Variants in ERBB4 observed in about 807,000 individuals in gnomAD.
The protein encoded by ERBB4 is receptor tyrosine-protein kinase erbB-4.
Under a neutral mutation model 158.0 loss-of-function variants are expected in ERBB4, and 42 were observed. The observed-to-expected ratio is 0.27, with a 90% CI of 0.21 to 0.34. The LOEUF (loss-of-function observed/expected upper bound fraction) is 0.34, where lower values mean the gene tolerates loss of function less well. ERBB4 is among the 10% of genes least tolerant of loss of function. ERBB4 has a pLI of 1.00. For missense variants in ERBB4, 1,333 were observed against 1,624.1 expected (o/e 0.82, Z 3.08); for synonymous variants, 583 against 558.7 (o/e 1.04, Z -0.61).
chr2:211,902,226 A>G (rs1344464691), intron 3 of ERBB4, among the ~76,000 whole-genome samples: 1 of 152,178 alleles, frequency 6.6e-6, no homozygotes, highest in East Asian at 1.9e-4. Context: ...AAAAACAAAT[A>G]AAACACCAAT....
At chr2:212,095,085 A>G (rs2078889667) in intron 2 of ERBB4, among the ~76,000 whole-genome samples, 1 of 152,150 alleles carries the variant, frequency 6.6e-6, no homozygotes, top group Non-Finnish European at 1.5e-5. Flanking sequence ...GAGCACTCAC[A>G]ATGCCTTACA....
intron 1 of ERBB4, among the ~76,000 whole-genome samples, chr2:212,143,200 T>C (rs935250236): frequency 2.6e-5 from 4 of 152,182 alleles, no homozygotes; most frequent in Non-Finnish European, 5.9e-5. Context: ...CCTCATAATT[T>C]AACTGTTTTG....
At chr2:212,485,756 A>C (rs530720134) in intron 1 of ERBB4, among the ~76,000 whole-genome samples, 1 of 152,280 alleles carries the variant, frequency 6.6e-6, no homozygotes, top group Non-Finnish European at 1.5e-5. Context: ...GGGAAGTTCA[A>C]GGTCAAGGTA....
chr2:211,515,882 T>C (rs946124081), intron 20 of ERBB4, among the ~76,000 whole-genome samples: 3 of 136,010 alleles, frequency 2.2e-5, no homozygotes, highest in Non-Finnish European at 3.1e-5. Flanking sequence ...TAGTAACTTA[T>C]ATAAAAACAT....
intron 2 of ERBB4, among the ~76,000 whole-genome samples, chr2:212,075,937 T>G (rs907741091): frequency 1.3e-5 from 2 of 151,944 alleles, no homozygotes; most frequent in Admixed American, 6.6e-5. Flanking sequence ...CCTCATCAGC[T>G]TGAAATCCAG....
At chr2:212,409,222 A>T (rs1425853814) in intron 1 of ERBB4, among the ~76,000 whole-genome samples, 1 of 152,116 alleles carries the variant, frequency 6.6e-6, no homozygotes, top group Non-Finnish European at 1.5e-5. Context: ...AATACATGGA[A>T]AGACACACCT....
intron 2 of ERBB4, among the ~76,000 whole-genome samples, chr2:211,980,982 G>A (rs549868474): frequency 3.4e-4 from 51 of 151,788 alleles, no homozygotes; most frequent in Admixed American, 1.1e-3. Flanking sequence ...TCTCGATACC[G>A]CTCCCCACCA....
chr2:212,127,416 C>A lies in ERBB4; in HGVS notation c.83-2513G>T, dbSNP rs112899530. On this transcript the variant is annotated intron_variant, in intron 1 of 27. Transcript: ENST00000342788. ...GACCATCCTGGTCAACACAGTGAAA[C>A]CCCGTCTCAACTAAAAATACAAACA... 6.9e-3 allele frequency among the ~76,000 whole-genome samples: 1,052 copies of A among 152,238 alleles called. 7 individuals are homozygous for A. The highest frequency in any genetic ancestry group is 0.024 in the Middle Eastern group (7 of 294).
intron 1 of ERBB4, among the ~76,000 whole-genome samples, chr2:212,192,607 T>G (rs898464359): frequency 6.6e-6 from 1 of 152,062 alleles, no homozygotes; most frequent in Non-Finnish European, 1.5e-5. Context: ...ATGCCTTTGG[T>G]CTTAAGCCTT....
At chr2:212,299,034 G>A (rs975490493) in intron 1 of ERBB4, among the ~76,000 whole-genome samples, 2 of 151,650 alleles carry the variant, frequency 1.3e-5, no homozygotes, top group Non-Finnish European at 3.0e-5. Context: ...TAAAGTGTCA[G>A]TCACTGAGTT....
At chr2:211,858,291 G>A (rs1055661360) in intron 3 of ERBB4, among the ~76,000 whole-genome samples, 7 of 152,138 alleles carry the variant, frequency 4.6e-5, no homozygotes, top group African/African-American at 1.7e-4. Flanking sequence ...CTGATTGGAA[G>A]ACTGCACAGT....
rs751782803 is a variant in ERBB4 at position 211,624,081 on chromosome 2, C to T, written c.2080-37G>A. 5.1e-5 allele frequency: 82 copies of T among 1,611,960 alleles called. 1 individual carries two copies. Among genetic ancestry groups the T allele is most frequent in the South Asian group, 1.1e-4 (10 of 90,988 alleles). ...AAAGAAGAAGGTTATACTTTCAGTC[C>T]GATAGTCAGTCCTCTCTCTCTGTCT... On this transcript the variant is annotated intron_variant, in intron 17 of 27. Transcript: ENST00000342788.
chr2:211,569,967 TC>T (rs2125741508), intron 19 of ERBB4, among the ~76,000 whole-genome samples: 1 of 152,234 alleles, frequency 6.6e-6, no homozygotes, highest in Non-Finnish European at 1.5e-5. Context: ...TATAATTTTC[TC>T]CCCTCTGATG....
intron 19 of ERBB4, among the ~76,000 whole-genome samples, chr2:211,564,630 A>T (rs2067496069): frequency 6.6e-6 from 1 of 152,198 alleles, no homozygotes; most frequent in Admixed American, 6.5e-5. Flanking sequence ...CCAAATCTTG[A>T]TACATGTACC....
At chr2:211,694,560 G>GCT (rs1348265390) in intron 12 of ERBB4, among the ~76,000 whole-genome samples, 3 of 70,490 alleles carry the variant, frequency 4.3e-5, no homozygotes, top group Non-Finnish European at 1.1e-4. Context: ...TTACTTGAAT[G>GCT]CTTTTTTTTT....
chr2:211,781,086 C>T (rs897014547), intron 4 of ERBB4, among the ~76,000 whole-genome samples: 1 of 152,006 alleles, frequency 6.6e-6, no homozygotes, highest in Non-Finnish European at 1.5e-5. Flanking sequence ...CTACACAATA[C>T]CTTAGAAAGG....
chr2:212,018,107 T>C (rs1372915637), intron 2 of ERBB4, among the ~76,000 whole-genome samples: 1 of 152,142 alleles, frequency 6.6e-6, no homozygotes, highest in Non-Finnish European at 1.5e-5. Flanking sequence ...GGAACACTTT[T>C]AGGTAAAGTA....
intron 1 of ERBB4, among the ~76,000 whole-genome samples, chr2:212,335,948 G>C (rs73068301): frequency 6.6e-6 from 1 of 151,890 alleles, no homozygotes; most frequent in African/African-American, 2.4e-5. Flanking sequence ...TCTACTCACA[G>C]TCTTTATTGT....
chr2:211,451,477 G>T (rs1364916160), intron 20 of ERBB4, among the ~76,000 whole-genome samples: 2 of 152,176 alleles, frequency 1.3e-5, no homozygotes, highest in Non-Finnish European at 2.9e-5. Flanking sequence ...GATGTAGAAA[G>T]AAATATTATA....
Sources: allele counts gnomAD v4.1 joint callset (sites outside exome capture counted in the v4.1 genomes callset), GRCh38; gene constraint gnomAD v4.1.1; transcripts MANE v1.5; gene names NCBI Gene and HGNC (gene_info 2026-07-23, HGNC 2026-07-21).